Variants in CIDEB observed in about 807,000 individuals in gnomAD.
CIDEB encodes the protein lipid transferase CIDEB.
Under a neutral mutation model 22.4 loss-of-function variants are expected in CIDEB, and 27 were observed. That is an observed-to-expected ratio of 1.21 (90% CI 0.89 to 1.66). The LOEUF (loss-of-function observed/expected upper bound fraction) is 1.66. Ranked by LOEUF, CIDEB falls within the 40% of genes most tolerant of loss-of-function variation. The pLI is 0.00. For missense variants in CIDEB, 289 were observed against 268.7 expected (o/e 1.08, Z -0.53); for synonymous variants, 103 against 109.5 (o/e 0.94, Z 0.37).
chr14:24,309,446 C>G (rs567543443), upstream of CIDEB: 1 of 152,268 alleles, frequency 6.6e-6, no homozygotes, highest in Non-Finnish European at 1.5e-5. Flanking sequence ...TCCCTTCCCC[C>G]AGCTCTATCC....
At chr14:24,311,176 G>T, upstream of CIDEB, 1 of 1,606,522 alleles carries the variant, frequency 6.2e-7, no homozygotes. Context: ...TGCCAGCTGT[G>T]CCACCCGTCG....
chr14:24,306,541 G>C lies in CIDEB; in HGVS notation c.187-18C>G. ...TCCAATGCCTGCCCAATGGCAAGAA[G>C]CAAGAAGGGCAGGTCTTATCCCATG... On this transcript the variant is annotated intron_variant, in intron 2 of 4. Coordinates refer to ENST00000554411, the MANE Select transcript of CIDEB (RefSeq NM_001393339.1). The C allele has an allele frequency of 6.2e-7, 1 of 1,614,236 alleles. No homozygotes were observed. The highest frequency in any genetic ancestry group is 8.5e-7 in the Non-Finnish European group (1 of 1,180,030).
chr14:24,305,802 G>C (rs1232174747), intron 4 of CIDEB, 37 bp from the exon 5 acceptor site: 2 of 1,606,964 alleles, frequency 1.2e-6, no homozygotes, highest in South Asian at 2.2e-5. Flanking sequence ...AGATGATTTG[G>C]AAAACTTGGG....
At position 24,306,373 on chromosome 14, in the gene CIDEB, C is replaced by T. The variant is rs146737422; in HGVS notation, c.336+1G>A. ...AAGCAGCCCCAGTATAGGCCTCTTA[C>T]CCTTGTAGGGCTCCAGCTCTGACCA... is the stretch of plus-strand genomic sequence containing the variant. On this transcript the variant is annotated splice_donor_variant, in intron 3 of 4. Transcript: ENST00000554411. LOFTEE classifies it high-confidence loss of function. 4.6e-4 allele frequency: 748 copies of T among 1,614,200 alleles called. 4 individuals carry two copies. The Middle Eastern group carries it at 8.6e-3, about 19-fold the overall frequency.
At chr14:24,307,138 T>C (rs1053648) in intron 2 of CIDEB, 388,841 of 410,166 alleles carry the variant, frequency 0.95, 184,548 homozygotes, top group Middle Eastern at 0.97. Flanking sequence ...TTCTGAATTC[T>C]GTCCCTCGAA....
upstream of CIDEB, chr14:24,308,396 A>G (rs2041587819): frequency 5.5e-6 from 1 of 182,126 alleles, no homozygotes; most frequent in Non-Finnish European, 1.2e-5. Context: ...TGTGTCCAGG[A>G]AGGGTGTAAG....
chr14:24,307,825 A>G lies in CIDEB; in HGVS notation c.34T>C (p.Leu12=), dbSNP rs761940963. Reference sequence around the variant, plus strand: ...CGGAGGGTTAGCAGTCACCTGAGTAAGTCACTGGGGTTCAGAGCTGAGAGG... The same window carrying G: ...CGGAGGGTTAGCAGTCACCTGAGTAGGTCACTGGGGTTCAGAGCTGAGAGG... ...EYLSALNPSD[L]LRSVSNISSE... is the part of the protein sequence containing the mutation. The change falls in exon 1 of 5, where the codon TTA becomes CTA. Residue 12 remains leucine (L), a synonymous_variant. Transcript: ENST00000554411. 6.3e-7 allele frequency: 1 copy of G among 1,595,660 alleles called. No individual in the cohort carries two copies. Among genetic ancestry groups the G allele is most frequent in the Non-Finnish European group, 8.5e-7 (1 of 1,170,760 alleles).
In CIDEB at chr14:24,306,155, C is replaced by T. The variant is rs73591412; in HGVS notation, c.337-18G>A. 1,043 of 1,609,666 alleles carry T rather than the reference C, an allele frequency of 6.5e-4. 7 individuals are homozygous for T. The African/African-American group carries it at 0.012, about 19-fold the overall frequency. On this transcript the variant is annotated intron_variant, in intron 3 of 4. Coordinates refer to ENST00000554411, the MANE Select transcript of CIDEB (RefSeq NM_001393339.1). ...ACTCCACTCTGTAGGACACCCTTGT[C>T]AGTGCAGTAGATCCTCATACCAGAC...
chr14:24,306,000 C>T lies in CIDEB; in HGVS notation c.474G>A (p.Gly158=), dbSNP rs747480989. The change falls in exon 4 of 5, where the codon GGG becomes GGA. Residue 158 remains glycine (G), a synonymous_variant. Coordinates refer to ENST00000554411, the MANE Select transcript of CIDEB (RefSeq NM_001393339.1). ...GSLNVKATFY[G]LYSMSCDFQG... ...GAAAGTCACAACTCATAGAGTAGAG[C>T]CCGTAGAATGTGGCTTTGACATTCA... is the stretch of plus-strand genomic sequence containing the variant. 1.9e-6 allele frequency: 3 copies of T among 1,614,118 alleles called. 1 individual carries two copies. The South Asian group carries it at 3.3e-5, about 18-fold the overall frequency.
chr14:24,311,040 C>T (rs777137136), upstream of CIDEB: 132 of 1,578,672 alleles, frequency 8.4e-5, no homozygotes, highest in Non-Finnish European at 1.1e-4. Context: ...AGTCACCCGC[C>T]CCTTCCTGGC....
upstream of CIDEB, chr14:24,308,114 C>T: frequency 1.8e-6 from 1 of 551,666 alleles, no homozygotes; most frequent in Non-Finnish European, 3.3e-6. Flanking sequence ...GTATGTGTGT[C>T]TTTGGTGATG....
intron 2 of CIDEB, 41 bp from the exon 3 acceptor site, chr14:24,306,564 A>C: frequency 6.2e-7 from 1 of 1,612,996 alleles, no homozygotes; most frequent in Non-Finnish European, 8.5e-7. Context: ...GTCTTATCCC[A>C]TGCCCCTTCC....
chr14:24,311,100 T>A (rs2041685372), upstream of CIDEB: 1 of 1,565,444 alleles, frequency 6.4e-7, no homozygotes, highest in Non-Finnish European at 8.6e-7. Flanking sequence ...GCTGGCGGTC[T>A]GGCTGGCCGC....
chr14:24,306,576 T>A, intron 2 of CIDEB, 53 bp from the exon 3 acceptor site: 1 of 1,610,212 alleles, frequency 6.2e-7, no homozygotes, highest in Non-Finnish European at 8.5e-7. Context: ...GCCCCTTCCC[T>A]CTTTAGCTGC....
chr14:24,307,053 AG>A (rs2041533109), intron 2 of CIDEB: 1 of 290,600 alleles, frequency 3.4e-6, no homozygotes, highest in Non-Finnish European at 6.5e-6. Context: ...CAACTTCCCA[AG>A]GTTTGACAGG....
At chr14:24,310,356 G>A, upstream of CIDEB, 2 of 607,524 alleles carry the variant, frequency 3.3e-6, no homozygotes, top group Admixed American at 5.9e-5. Context: ...GACTAGAGGA[G>A]TGGTGGTAGA....
chr14:24,307,613 G>C (rs2041557829), intron 1 of CIDEB, 98 bp from the exon 2 acceptor site: 1 of 1,414,028 alleles, frequency 7.1e-7, no homozygotes, highest in Admixed American at 1.9e-5. Context: ...TAGGGAGGGA[G>C]AGATCTAGGT....
At position 24,307,681 on chromosome 14, in the gene CIDEB, GA is replaced by G. The variant is rs1345013984; in HGVS notation, c.41+136del. The G allele has an allele frequency of 6.4e-6, 8 of 1,255,292 alleles. No homozygotes were observed. The African/African-American group carries it at 1.2e-4, about 19-fold the overall frequency. The allele number at this position is 1,255,292 out of a possible 1,614,324, so 77.8% of individuals were successfully genotyped here. On this transcript the variant is annotated intron_variant, in intron 1 of 4. Coordinates refer to ENST00000554411, the MANE Select transcript of CIDEB (RefSeq NM_001393339.1). ...GTGCAGGTGGGGGCGGGTGGCTCAG[GA>G]GCTTGACAAGCCCACTGTGGAGTGG...
intron 2 of CIDEB, 52 bp from the exon 3 acceptor site, chr14:24,306,575 C>G (rs777775627): frequency 6.2e-7 from 1 of 1,610,336 alleles, no homozygotes; most frequent in East Asian, 2.2e-5. Flanking sequence ...TGCCCCTTCC[C>G]TCTTTAGCTG....
Sources: allele counts gnomAD v4.1 joint callset, GRCh38; gene constraint gnomAD v4.1.1; transcripts MANE v1.5; gene names NCBI Gene and HGNC (gene_info 2026-07-23, HGNC 2026-07-21).